Variants in STAG1 observed in about 807,000 individuals in gnomAD.
STAG1 encodes STAG1 cohesin complex component.
STAG1 carries 26 observed loss-of-function variants against 170.9 expected under a neutral mutation model. The observed-to-expected ratio is 0.15, with a 90% CI of 0.11 to 0.21. The LOEUF (loss-of-function observed/expected upper bound fraction) is 0.21, where lower values mean the gene tolerates loss of function less well. Ranked by LOEUF, STAG1 falls within the 10% of genes least tolerant of loss-of-function variation. The pLI, the probability that STAG1 is intolerant of heterozygous loss-of-function variation, is 1.00. For missense variants in STAG1, 964 were observed against 1,509.5 expected (o/e 0.64, Z 5.99); for synonymous variants, 514 against 497.7 (o/e 1.03, Z -0.44).
chr3:136,603,856 C>T (rs1938807558), intron 4 of STAG1, among the ~76,000 whole-genome samples: 2 of 152,010 alleles, frequency 1.3e-5, no homozygotes, highest in African/African-American at 4.8e-5. Flanking sequence ...CACTGCACTC[C>T]AGCCTGGGCA....
intron 1 of STAG1, among the ~76,000 whole-genome samples, chr3:136,684,473 G>A (rs1266385654): frequency 6.6e-6 from 1 of 152,188 alleles, no homozygotes; most frequent in African/African-American, 2.4e-5. Context: ...AAACAGGCGG[G>A]GTGCATTGGC....
At position 136,736,897 on chromosome 3, in the gene STAG1, CTCT is replaced by C; in HGVS notation, c.-84+15295_-84+15297del. 3.1e-6 allele frequency: 5 copies of C among 1,587,602 alleles called. No individual in the cohort carries two copies. In the South Asian group the frequency reaches 5.5e-5, roughly 18 times the overall value. ...TCCTGCCTGAATTACATCCAGGGTC[CTCT>C]TCTTTTGCTCCTGATCTAGTAGCAA... On this transcript the variant is annotated intron_variant, in intron 1 of 33. Transcript: ENST00000383202.
chr3:136,566,645 A>G (rs1937085112), intron 5 of STAG1, among the ~76,000 whole-genome samples: 1 of 152,122 alleles, frequency 6.6e-6, no homozygotes, highest in African/African-American at 2.4e-5. Context: ...AAAGGCTAAG[A>G]AAAAAAAGAC....
intron 14 of STAG1, among the ~76,000 whole-genome samples, chr3:136,445,886 T>C (rs867028491): frequency 3.9e-4 from 60 of 152,350 alleles, no homozygotes; most frequent in African/African-American, 1.4e-3. Flanking sequence ...CTATAAGTTA[T>C]TTTAAGATGT....
At chr3:136,734,093 C>T (rs1367192758) in intron 1 of STAG1, among the ~76,000 whole-genome samples, 3 of 141,850 alleles carry the variant, frequency 2.1e-5, no homozygotes, top group Admixed American at 7.5e-5. Context: ...GGAGACAGTG[C>T]GAGAGACTCC....
chr3:136,641,456 G>A (rs1559925829), intron 1 of STAG1, among the ~76,000 whole-genome samples: 1 of 152,176 alleles, frequency 6.6e-6, no homozygotes. Flanking sequence ...TGCTAATAGT[G>A]AGACATATTA....
intron 12 of STAG1, 31 bp downstream of exon 12, chr3:136,472,382 T>C: frequency 6.6e-7 from 1 of 1,522,018 alleles, no homozygotes; most frequent in Non-Finnish European, 9.1e-7. Flanking sequence ...AAAATATCAA[T>C]AAAGTTAAAA....
intron 6 of STAG1, among the ~76,000 whole-genome samples, chr3:136,526,537 G>C (rs1935041526): frequency 6.6e-6 from 1 of 152,128 alleles, no homozygotes; most frequent in African/African-American, 2.4e-5. Context: ...GATGGGTCTT[G>C]ACTCTTTATC....
At chr3:136,612,675 C>A (rs1183013846) in intron 3 of STAG1, among the ~76,000 whole-genome samples, 3 of 152,122 alleles carry the variant, frequency 2.0e-5, no homozygotes, top group African/African-American at 7.2e-5. Flanking sequence ...CAGAGCAAGA[C>A]CCTGTCTTAA....
intron 28 of STAG1, among the ~76,000 whole-genome samples, chr3:136,350,135 C>T (rs1222935742): frequency 6.6e-6 from 1 of 150,918 alleles, no homozygotes; most frequent in East Asian, 1.9e-4. Flanking sequence ...CTGGAGACTC[C>T]ATTCAAAAAA....
At chr3:136,521,044 G>A (rs1207925647) in intron 7 of STAG1, among the ~76,000 whole-genome samples, 169 bp downstream of exon 7, 1 of 151,912 alleles carries the variant, frequency 6.6e-6, no homozygotes, top group African/African-American at 2.4e-5. Flanking sequence ...CATTCTTAAG[G>A]CTATCAAATG....
chr3:136,342,597 T>C (rs765584295), intron 30 of STAG1, among the ~76,000 whole-genome samples: 3 of 152,280 alleles, frequency 2.0e-5, no homozygotes, highest in Non-Finnish European at 4.4e-5. Flanking sequence ...TTCTCATTCC[T>C]TAGCCTCCTG....
intron 3 of STAG1, among the ~76,000 whole-genome samples, chr3:136,621,394 T>C (rs77996093): frequency 0.016 from 2,464 of 152,318 alleles, 78 homozygotes; most frequent in African/African-American, 0.056. Flanking sequence ...TTTCCAATTC[T>C]GCAGTTATAT....
intron 6 of STAG1, among the ~76,000 whole-genome samples, chr3:136,527,757 G>C (rs1935123901): frequency 6.6e-6 from 1 of 152,088 alleles, no homozygotes; most frequent in Admixed American, 6.5e-5. Context: ...ATACACATGG[G>C]GTTTTGGTGT....
intron 1 of STAG1, among the ~76,000 whole-genome samples, chr3:136,637,739 A>G (rs934687164): frequency 1.3e-5 from 2 of 152,202 alleles, no homozygotes; most frequent in Admixed American, 1.3e-4. Flanking sequence ...AAGTGACTGG[A>G]AGAGTACCTG....
At position 136,417,881 on chromosome 3, in the gene STAG1, C is replaced by A. The variant is rs550445011; in HGVS notation, c.2196+4G>T. The A allele has an allele frequency of 6.2e-7, 1 of 1,610,604 alleles. No homozygotes were observed. Among genetic ancestry groups the A allele is most frequent in the East Asian group, 2.2e-5 (1 of 44,830 alleles). ...ATACAGAAGGAATACCAATAAACTC[C>A]TACCTGTTCTGGCATGGCTCCATGT... is the stretch of plus-strand genomic sequence containing the variant. On this transcript the variant is annotated splice_donor_region_variant and intron_variant, in intron 21 of 33. Coordinates refer to ENST00000383202, the MANE Select transcript of STAG1 (RefSeq NM_005862.3).
intron 21 of STAG1, 107 bp from the exon 22 acceptor site, chr3:136,398,936 T>C (rs1052133491): frequency 7.1e-5 from 38 of 532,562 alleles, no homozygotes; most frequent in Admixed American, 1.7e-4. Context: ...TTTTATAGTA[T>C]AGCTTCAAGT....
In STAG1 at chr3:136,373,763, T is replaced by C. The variant is rs895014624; in HGVS notation, c.2370+3897A>G. ...TTACATTTGCTGAGGATTGCTTTAC[T>C]TCCAACTATGTGGTCAATTTTGGAA... On this transcript the variant is annotated intron_variant, in intron 23 of 33. Coordinates refer to ENST00000383202, the MANE Select transcript of STAG1 (RefSeq NM_005862.3). Among the ~76,000 whole-genome samples, 31 of 152,202 alleles carry C rather than the reference T, an allele frequency of 2.0e-4. 1 individual carries two copies. Among genetic ancestry groups the C allele is most frequent in the Admixed American group, 2.0e-3 (30 of 15,272 alleles).
At chr3:136,438,192 C>T (rs1023874757) in intron 15 of STAG1, among the ~76,000 whole-genome samples, 11 of 148,450 alleles carry the variant, frequency 7.4e-5, no homozygotes, top group East Asian at 5.9e-4. Context: ...CTAGATAGCT[C>T]TTTTATGACA....
Sources: gnomAD v4.1 joint callset for allele counts (sites outside exome capture counted in the v4.1 genomes callset) on GRCh38, gnomAD v4.1.1 for gene constraint, MANE v1.5 for transcripts, NCBI Gene and HGNC (gene_info 2026-07-23, HGNC 2026-07-21) for gene names.